The following VPS13B variants were observed in gnomAD, a reference collection of about 807,000 sequenced individuals.
VPS13B encodes the protein vacuolar protein sorting 13 homolog B, also known as intermembrane lipid transfer protein VPS13B.
Under a neutral mutation model 426.4 loss-of-function variants are expected in VPS13B, and 285 were observed. The observed-to-expected ratio is 0.67, with a 90% CI of 0.61 to 0.74. The LOEUF (loss-of-function observed/expected upper bound fraction) is 0.74, where lower values mean the gene tolerates loss of function less well. Among genes scored for constraint, VPS13B ranks in the 30% least tolerant of loss-of-function variants. The probability of loss-of-function intolerance (pLI) is 0.00; values close to 1 mark genes in which losing one functional copy is unlikely to be tolerated. For missense variants in VPS13B, 4,537 were observed against 4,782.6 expected (o/e 0.95, Z 1.51); for synonymous variants, 1,676 against 1,676.4 (o/e 1.00, Z 0.01).
At chr8:99,381,916 C>G (rs1326552914) in intron 19 of VPS13B, among the ~76,000 whole-genome samples, 1 of 152,010 alleles carries the variant, frequency 6.6e-6, no homozygotes, top group African/African-American at 2.4e-5. Context: ...GTTCCTGTGT[C>G]CAGAATGATT....
intron 2 of VPS13B, among the ~76,000 whole-genome samples, chr8:99,030,184 G>A (rs1842442800): frequency 8.7e-6 from 1 of 114,522 alleles, no homozygotes; most frequent in Admixed American, 8.8e-5. Flanking sequence ...GGCCCTGTAG[G>A]CGTTCTTCTC....
intron 23 of VPS13B, among the ~76,000 whole-genome samples, chr8:99,465,673 C>T (rs1819077739): frequency 6.6e-6 from 1 of 151,942 alleles, no homozygotes; most frequent in South Asian, 2.1e-4. Context: ...TATTTTAAGA[C>T]AAATTTGGCA....
chr8:99,355,213 T>C (rs563142387), intron 19 of VPS13B, among the ~76,000 whole-genome samples: 1 of 152,322 alleles, frequency 6.6e-6, no homozygotes, highest in Admixed American at 6.5e-5. Flanking sequence ...TCCCCTTTAA[T>C]GTAAATCAGC....
At chr8:99,251,612 A>G (rs539518608) in intron 17 of VPS13B, among the ~76,000 whole-genome samples, 1 of 152,280 alleles carries the variant, frequency 6.6e-6, no homozygotes, top group South Asian at 2.1e-4. Context: ...ATTTATATTG[A>G]TGAGGAATCT....
chr8:99,032,535 T>TC (rs1842555251), intron 2 of VPS13B, among the ~76,000 whole-genome samples: 1 of 148,588 alleles, frequency 6.7e-6, no homozygotes, highest in East Asian at 1.9e-4. Flanking sequence ...TTCTTTTCTT[T>TC]TTTTTTTTTT....
At chr8:99,519,325 G>A (rs537678811) in intron 29 of VPS13B, among the ~76,000 whole-genome samples, 8 of 152,280 alleles carry the variant, frequency 5.3e-5, no homozygotes, top group Admixed American at 5.2e-4. Context: ...AGGATGTGGA[G>A]AAATAGGAAC....
chr8:99,392,730 C>A (rs1814511799), intron 21 of VPS13B, among the ~76,000 whole-genome samples: 1 of 152,008 alleles, frequency 6.6e-6, no homozygotes, highest in East Asian at 1.9e-4. Context: ...GTATTTTATA[C>A]ATAAGTATTA....
At chr8:99,832,341 A>AGTT in intron 51 of VPS13B, 28 bp from the exon 52 acceptor site, 1 of 1,192,552 alleles carries the variant, frequency 8.4e-7, no homozygotes, top group Non-Finnish European at 1.1e-6. Context: ...TGCTCTCTGC[A>AGTT]TTTTTTTTTT....
intron 30 of VPS13B, among the ~76,000 whole-genome samples, chr8:99,534,554 C>T (rs1251362103): frequency 6.6e-6 from 1 of 151,976 alleles, no homozygotes; most frequent in Non-Finnish European, 1.5e-5. Context: ...TTACTATAAC[C>T]ATTCCTGCTG....
At chr8:99,587,442 G>C (rs1177025846) in intron 33 of VPS13B, among the ~76,000 whole-genome samples, 1 of 151,710 alleles carries the variant, frequency 6.6e-6, no homozygotes, top group Non-Finnish European at 1.5e-5. Context: ...CCCACCAACA[G>C]TGTAAAAGTG....
intron 19 of VPS13B, among the ~76,000 whole-genome samples, chr8:99,353,122 G>C (rs562449039): frequency 6.6e-6 from 1 of 151,780 alleles, no homozygotes; most frequent in Admixed American, 6.6e-5. Context: ...GCTGGGATTA[G>C]AGGCATGTTC....
Position 99,641,834 on chromosome 8 carries a change from A to T in VPS13B, c.5244A>T (p.Lys1748Asn). Reference protein sequence around the residue: ...AAEISKQEQKKVDIFDGGMAE... With the variant: ...AAEISKQEQKNVDIFDGGMAE... ...AGATCTCTAAACAAGAACAGAAAAA[A>T]GTGGATATATTTGATGGAGGCATGG... The change falls in exon 34 of 62, where the codon AAA becomes AAT. Residue 1748 changes from lysine (K) to asparagine (N), a missense_variant. Transcript: ENST00000357162. 6.2e-7 allele frequency: 1 copy of T among 1,611,678 alleles called. No individual in the cohort carries two copies. Among genetic ancestry groups the T allele is most frequent in the Non-Finnish European group, 8.5e-7 (1 of 1,178,316 alleles).
rs763022690 is a variant in VPS13B at position 99,084,819 on chromosome 8, CAGTT to C, written c.292-11492_292-11489del. 5.9e-4 allele frequency among the ~76,000 whole-genome samples: 90 copies of C among 152,236 alleles called. 1 individual carries two copies. Among genetic ancestry groups the C allele is most frequent in the Middle Eastern group, 3.4e-3 (1 of 294 alleles). Reference sequence around the variant, plus strand: ...TTTGACTGCACTGTGGTCTGAGAGACAGTTTGTTATAATTACTGTTCTTTTACAT... The same window carrying C: ...TTTGACTGCACTGTGGTCTGAGAGACTGTTATAATTACTGTTCTTTTACAT... On this transcript the variant is annotated intron_variant, in intron 3 of 61. Transcript: ENST00000357162.
At chr8:99,657,496 A>G (rs372650873) in intron 34 of VPS13B, among the ~76,000 whole-genome samples, 8 of 7,808 alleles carry the variant, frequency 1.0e-3, no homozygotes, top group Middle Eastern at 0.062. Context: ...GTGTGTGTGT[A>G]TGCAGATAGA....
At chr8:99,710,326 A>C (rs1832659824) in intron 36 of VPS13B, among the ~76,000 whole-genome samples, 1 of 151,996 alleles carries the variant, frequency 6.6e-6, no homozygotes, top group African/African-American at 2.4e-5. Flanking sequence ...CCAATGGTGC[A>C]TTTGTCCCCC....
intron 25 of VPS13B, among the ~76,000 whole-genome samples, chr8:99,493,172 A>G (rs1820706147): frequency 6.6e-6 from 1 of 152,204 alleles, no homozygotes; most frequent in Non-Finnish European, 1.5e-5. Context: ...GGATTTTGGT[A>G]TCTATAGTCA....
chr8:99,507,076 G>A, intron 27 of VPS13B, 61 bp from the exon 28 acceptor site: 2 of 1,569,314 alleles, frequency 1.3e-6, no homozygotes, highest in South Asian at 2.2e-5. Flanking sequence ...AGTTATGTAT[G>A]TTCAATTTCT....
intron 30 of VPS13B, among the ~76,000 whole-genome samples, chr8:99,556,153 T>A (rs1293926450): frequency 6.6e-6 from 1 of 152,172 alleles, no homozygotes; most frequent in African/African-American, 2.4e-5. Flanking sequence ...CCTCAGAGCA[T>A]CTCAGGGATT....
At chr8:99,180,272 C>T (rs1812873994) in intron 16 of VPS13B, among the ~76,000 whole-genome samples, 1 of 152,098 alleles carries the variant, frequency 6.6e-6, no homozygotes, top group African/African-American at 2.4e-5. Flanking sequence ...TGGCTCATAT[C>T]GAGCAAGTAT....
Sources: gnomAD v4.1 joint callset for allele counts (sites outside exome capture counted in the v4.1 genomes callset) on GRCh38, gnomAD v4.1.1 for gene constraint, MANE v1.5 for transcripts, NCBI Gene and HGNC (gene_info 2026-07-23, HGNC 2026-07-21) for gene names.